The following TBC1D22A variants were observed in gnomAD, a reference collection of about 807,000 sequenced individuals.
TBC1D22A encodes putative GTPase activator.
Under a neutral mutation model 60.2 loss-of-function variants are expected in TBC1D22A, and 38 were observed. The observed-to-expected ratio is 0.63, with a 90% CI of 0.49 to 0.83. The LOEUF (loss-of-function observed/expected upper bound fraction) is 0.83. TBC1D22A is among the 40% of genes least tolerant of loss of function. The probability of loss-of-function intolerance (pLI) is 0.00; values close to 1 mark genes in which losing one functional copy is unlikely to be tolerated. For missense variants in TBC1D22A, 628 were observed against 701.0 expected, an observed-to-expected ratio of 0.90 and a Z score of 1.18; for synonymous variants, 302 against 281.7, an observed-to-expected ratio of 1.07 and a Z score of -0.72.
chr22:46,845,491 G>A (rs1035801407), intron 4 of TBC1D22A, among the ~76,000 whole-genome samples: 1 of 152,128 alleles, frequency 6.6e-6, no homozygotes, highest in African/African-American at 2.4e-5. Context: ...TCGGTTTTGA[G>A]GTAAGTTTTC....
chr22:46,856,399 G>A (rs2087571224), intron 4 of TBC1D22A, among the ~76,000 whole-genome samples: 1 of 152,214 alleles, frequency 6.6e-6, no homozygotes, highest in African/African-American at 2.4e-5. Context: ...TGCTGTATAT[G>A]TTTTAATGCT....
At chr22:47,060,406 T>A (rs1026712309) in intron 11 of TBC1D22A, among the ~76,000 whole-genome samples, 1 of 151,854 alleles carries the variant, frequency 6.6e-6, no homozygotes, top group African/African-American at 2.4e-5. Flanking sequence ...CATGCCCAGC[T>A]AATTCGTTGT....
intron 8 of TBC1D22A, among the ~76,000 whole-genome samples, chr22:46,964,595 C>A (rs1265358329): frequency 2.6e-5 from 4 of 152,296 alleles, no homozygotes; most frequent in South Asian, 2.1e-4. Context: ...CTATAATATA[C>A]ATGGACCGTC....
intron 8 of TBC1D22A, chr22:46,913,431 A>T (rs764978941): frequency 3.7e-6 from 5 of 1,365,304 alleles, no homozygotes; most frequent in Non-Finnish European, 4.9e-6. Context: ...TCCTCAGAAG[A>T]TGAGGACATA....
chr22:46,879,634 A>G (rs961331291), intron 5 of TBC1D22A, among the ~76,000 whole-genome samples: 2 of 152,138 alleles, frequency 1.3e-5, no homozygotes, highest in South Asian at 4.1e-4. Context: ...ACTTGCTGCC[A>G]TTGCTTATGT....
chr22:46,764,398 T>G, intron 1 of TBC1D22A: 1 of 152,352 alleles, frequency 6.6e-6, no homozygotes, highest in East Asian at 1.9e-4. Context: ...GTGTAACTTT[T>G]ATGTGTTACT....
intron 4 of TBC1D22A, among the ~76,000 whole-genome samples, chr22:46,877,593 AATT>A (rs2147483851): frequency 1.3e-5 from 2 of 152,330 alleles, no homozygotes; most frequent in South Asian, 2.1e-4. Context: ...ACTATCGCCC[AATT>A]ATTCTGTACT....
chr22:46,815,835 G>C (rs187728423), intron 4 of TBC1D22A, among the ~76,000 whole-genome samples: 3 of 152,132 alleles, frequency 2.0e-5, no homozygotes, highest in Non-Finnish European at 4.4e-5. Flanking sequence ...TGTTTGGCTG[G>C]TGGGAGGATG....
intron 11 of TBC1D22A, among the ~76,000 whole-genome samples, chr22:47,095,710 C>T (rs1484960649): frequency 6.6e-6 from 1 of 152,266 alleles, no homozygotes; most frequent in Non-Finnish European, 1.5e-5. Flanking sequence ...CTCCAGGGCC[C>T]TGGCCCCTGA....
intron 4 of TBC1D22A, among the ~76,000 whole-genome samples, chr22:46,807,125 C>CT (rs1303365818): frequency 6.6e-6 from 1 of 152,238 alleles, no homozygotes; most frequent in Non-Finnish European, 1.5e-5. Flanking sequence ...AAGAGGATTT[C>CT]TTTAAGAAGG....
chr22:46,986,012 A>T (rs760358934), intron 9 of TBC1D22A, among the ~76,000 whole-genome samples: 1 of 152,202 alleles, frequency 6.6e-6, no homozygotes, highest in Non-Finnish European at 1.5e-5. Context: ...ATGCCAACAT[A>T]TACCCATGTT....
chr22:47,171,501 G>A (rs1258979134), intron 12 of TBC1D22A, among the ~76,000 whole-genome samples: 1 of 152,200 alleles, frequency 6.6e-6, no homozygotes, highest in Non-Finnish European at 1.5e-5. Context: ...CCCTCCCTCA[G>A]GGAGTCTGCC....
At chr22:46,823,586 CT>C (rs1228540981) in intron 4 of TBC1D22A, among the ~76,000 whole-genome samples, 1 of 152,206 alleles carries the variant, frequency 6.6e-6, no homozygotes, top group Non-Finnish European at 1.5e-5. Flanking sequence ...TGCAGTGTGG[CT>C]TGAATCCTGC....
chr22:47,149,868 G>A (rs920472806), intron 12 of TBC1D22A, among the ~76,000 whole-genome samples: 22 of 152,318 alleles, frequency 1.4e-4, no homozygotes, highest in African/African-American at 4.8e-4. Flanking sequence ...GATGCCTTGG[G>A]CCTTTTGGCC....
chr22:47,121,389 C>G (rs1483165538), intron 12 of TBC1D22A, among the ~76,000 whole-genome samples: 6 of 152,176 alleles, frequency 3.9e-5, no homozygotes, highest in African/African-American at 7.2e-5. Context: ...AACAAATTGG[C>G]AGCAGCCTGC....
At chr22:47,099,170 T>C (rs1419918932) in intron 11 of TBC1D22A, among the ~76,000 whole-genome samples, 1 of 152,120 alleles carries the variant, frequency 6.6e-6, no homozygotes, top group Non-Finnish European at 1.5e-5. Flanking sequence ...CGTGTGGAAG[T>C]GCAGACCCTG....
chr22:46,902,996 G>A (rs2069117464), intron 7 of TBC1D22A, among the ~76,000 whole-genome samples: 2 of 152,210 alleles, frequency 1.3e-5, no homozygotes, highest in Non-Finnish European at 2.9e-5. Context: ...GCAGCGTATG[G>A]GGCAGTCCAC....
intron 11 of TBC1D22A, among the ~76,000 whole-genome samples, chr22:47,082,884 A>G (rs1209584938): frequency 6.6e-6 from 1 of 152,258 alleles, no homozygotes; most frequent in Non-Finnish European, 1.5e-5. Flanking sequence ...ATTTATGTCC[A>G]CAAAAAAGTA....
chr22:47,014,384 G>A (rs890068944), intron 10 of TBC1D22A, among the ~76,000 whole-genome samples: 1 of 152,170 alleles, frequency 6.6e-6, no homozygotes, highest in Non-Finnish European at 1.5e-5. Flanking sequence ...ATAGCCGCAG[G>A]CCTCAGTCTG....
Sources: gnomAD v4.1 joint callset for allele counts (sites outside exome capture counted in the v4.1 genomes callset) on GRCh38, gnomAD v4.1.1 for gene constraint, MANE v1.5 for transcripts, NCBI Gene and HGNC (gene_info 2026-07-23, HGNC 2026-07-21) for gene names.